CREB5: variants seen among roughly 807,000 people sequenced by gnomAD.
The protein encoded by CREB5 is cAMP responsive element binding protein 5, also known as cyclic AMP-responsive element-binding protein 5.
Under a neutral mutation model 57.1 loss-of-function variants are expected in CREB5, and 19 were observed. The ratio of observed to expected loss-of-function variants is 0.33; its 90% CI spans 0.23 to 0.49. The LOEUF is 0.49. CREB5 is among the 20% of genes least tolerant of loss of function. The probability of loss-of-function intolerance (pLI) is 0.99; values close to 1 mark genes in which losing one functional copy is unlikely to be tolerated. For synonymous variants in CREB5, 238 were observed against 238.3 expected, an observed-to-expected ratio of 1.00 and a Z score of 0.01; for missense variants, 579 against 671.6, an observed-to-expected ratio of 0.86 and a Z score of 1.52.
At position 28,344,171 on chromosome 7, in the gene CREB5, T is replaced by G. The variant is rs556048973; in HGVS notation, c.-25+44730T>G. On this transcript the variant is annotated intron_variant, in intron 1 of 9. Coordinates refer to the CREB5 transcript ENST00000396299. ...GTTGTCTCTTCAGCATGTTGTTTCC[T>G]TTTTTGCTTTTGTTGCCTGTGCTTT... Among the ~76,000 whole-genome samples, 27 of 152,242 alleles carry G rather than the reference T, an allele frequency of 1.8e-4. No individual in the cohort carries two copies. The East Asian group carries it at 2.5e-3, about 14-fold the overall frequency.
chr7:28,525,191 G>A (rs1258448032), intron 4 of CREB5, among the ~76,000 whole-genome samples: 1 of 152,106 alleles, frequency 6.6e-6, no homozygotes, highest in African/African-American at 2.4e-5. Flanking sequence ...ATTCCATTGT[G>A]TATATATACC....
At chr7:28,446,325 T>C (rs978356534) in intron 1 of CREB5, among the ~76,000 whole-genome samples, 1 of 151,508 alleles carries the variant, frequency 6.6e-6, no homozygotes, top group East Asian at 2.0e-4. Flanking sequence ...GCTCCCACAA[T>C]ATGACACCAG....
chr7:28,437,684 C>T (rs1391516549), intron 1 of CREB5, among the ~76,000 whole-genome samples: 2 of 152,046 alleles, frequency 1.3e-5, no homozygotes, highest in Non-Finnish European at 2.9e-5. Context: ...AATGGATAGT[C>T]CTATAATCTA....
At chr7:28,322,452 A>T (rs900065352) in intron 1 of CREB5, among the ~76,000 whole-genome samples, 35 of 152,162 alleles carry the variant, frequency 2.3e-4, no homozygotes, top group Admixed American at 1.3e-4. Flanking sequence ...GTTTTACTTT[A>T]AGTTCTGGGA....
chr7:28,584,588 G>A (rs1193743106), intron 5 of CREB5, among the ~76,000 whole-genome samples: 1 of 152,118 alleles, frequency 6.6e-6, no homozygotes, highest in Non-Finnish European at 1.5e-5. Context: ...CTTTCCTTCA[G>A]AGCCCTGAGA....
At chr7:28,400,231 T>A (rs1483587474) in intron 1 of CREB5, among the ~76,000 whole-genome samples, 2 of 152,192 alleles carry the variant, frequency 1.3e-5, no homozygotes, top group African/African-American at 4.8e-5. Flanking sequence ...AAACTCAACT[T>A]CCTTACTTAT....
intron 5 of CREB5, among the ~76,000 whole-genome samples, chr7:28,701,498 G>T (rs748068829): frequency 6.6e-6 from 1 of 152,090 alleles, no homozygotes; most frequent in Non-Finnish European, 1.5e-5. Flanking sequence ...GATGTGTTTT[G>T]GTTGGTTCTT....
intron 1 of CREB5, among the ~76,000 whole-genome samples, chr7:28,381,689 A>G (rs1267919416): frequency 6.6e-6 from 1 of 152,206 alleles, no homozygotes. Flanking sequence ...CTGATTGGTT[A>G]ATCCCTGATA....
At chr7:28,576,450 A>C (rs1795914163) in intron 5 of CREB5, among the ~76,000 whole-genome samples, 1 of 152,122 alleles carries the variant, frequency 6.6e-6, no homozygotes, top group Non-Finnish European at 1.5e-5. Flanking sequence ...GGTCTATTGG[A>C]CTCAAAAGCA....
At chr7:28,604,027 A>G (rs951474873) in intron 5 of CREB5, among the ~76,000 whole-genome samples, 4 of 152,312 alleles carry the variant, frequency 2.6e-5, no homozygotes, top group South Asian at 2.1e-4. Flanking sequence ...TCTGTGTGAC[A>G]CTTGAAAGTT....
chr7:28,423,873 G>A (rs1562707099), intron 1 of CREB5, among the ~76,000 whole-genome samples: 1 of 152,230 alleles, frequency 6.6e-6, no homozygotes, highest in African/African-American at 2.4e-5. Flanking sequence ...CACATCTCTG[G>A]CACTCAGTGG....
intron 5 of CREB5, among the ~76,000 whole-genome samples, chr7:28,575,720 A>G (rs1359714189): frequency 6.6e-6 from 1 of 152,186 alleles, no homozygotes; most frequent in East Asian, 1.9e-4. Flanking sequence ...GGCTATGAAC[A>G]TAGCTTTATT....
rs1562798005 is a variant in CREB5, at chr7:28,560,939, T to TGCGTGC, written c.292-9421_292-9420insCGCGTG. ...GCGTGTGTGCGCGTGCGTGTGTGCGTGCGTGTGTGTGCGTGTGTGTGCGTG... is the reference window on the plus strand; with the variant it reads ...GCGTGTGTGCGCGTGCGTGTGTGCGTGCGTGCGCGTGTGTGTGCGTGTGTGTGCGTG... On this transcript the variant is annotated intron_variant, in intron 4 of 10. Transcript: ENST00000357727. Among the ~76,000 whole-genome samples the TGCGTGC allele has an allele frequency of 2.2e-4, 7 of 31,926 alleles. No homozygotes were observed. In the South Asian group the frequency reaches 0.011, roughly 48 times the overall value. The allele number at this position is 31,926 out of a possible 152,430, so 20.9% of individuals were successfully genotyped here.
At chr7:28,638,889 A>G (rs185113590) in intron 5 of CREB5, among the ~76,000 whole-genome samples, 1 of 152,290 alleles carries the variant, frequency 6.6e-6, no homozygotes, top group East Asian at 1.9e-4. Flanking sequence ...TACTTTGTAT[A>G]CTTCTTCCCA....
In CREB5 at chr7:28,825,602, GTGTT is replaced by G. The variant is rs996552775; in HGVS notation, c.*6331_*6334del. 9 of 152,606 alleles carry G rather than the reference GTGTT, an allele frequency of 5.9e-5. No homozygotes were observed. The highest frequency in any genetic ancestry group is 1.9e-4 in the African/African-American group (8 of 41,442). 9.5% of individuals were successfully genotyped at this position (152,606 alleles called of 1,614,324 possible). A position where few individuals can be genotyped will look rare whatever the true frequency, so the allele number is the denominator to read the frequency against. ...TGTATTTGTAAACAGCAAAGCATTTGTGTTTGTTTGTCTATTTGTAAAGCAACCA... is the reference window on the plus strand; with the variant it reads ...TGTATTTGTAAACAGCAAAGCATTTGTGTTTGTCTATTTGTAAAGCAACCA... On this transcript the variant is annotated 3_prime_UTR_variant, in exon 11 of 11. Coordinates refer to ENST00000357727, the MANE Select transcript of CREB5 (RefSeq NM_182898.4).
chr7:28,626,807 C>T (rs1427250480), intron 5 of CREB5, among the ~76,000 whole-genome samples: 1 of 152,122 alleles, frequency 6.6e-6, no homozygotes, highest in African/African-American at 2.4e-5. Context: ...ATGTCTTACT[C>T]CCCCTGGTGT....
At chr7:28,683,338 A>G (rs1419098188) in intron 5 of CREB5, among the ~76,000 whole-genome samples, 1 of 152,152 alleles carries the variant, frequency 6.6e-6, no homozygotes, top group East Asian at 1.9e-4. Context: ...CCCAGCAGCC[A>G]GTGGAATGCC....
chr7:28,684,433 C>T (rs1800749458), intron 5 of CREB5, among the ~76,000 whole-genome samples: 1 of 152,188 alleles, frequency 6.6e-6, no homozygotes, highest in East Asian at 1.9e-4. Flanking sequence ...AGCACTTCCC[C>T]ACCCCAACCC....
chr7:28,607,650 G>A (rs920732553), intron 5 of CREB5, among the ~76,000 whole-genome samples: 2 of 152,088 alleles, frequency 1.3e-5, no homozygotes, highest in Non-Finnish European at 2.9e-5. Flanking sequence ...TGGAAGGAAA[G>A]TGGTTTAATG....
Sources: allele counts gnomAD v4.1 joint callset (sites outside exome capture counted in the v4.1 genomes callset), GRCh38; gene constraint gnomAD v4.1.1; transcripts MANE v1.5; gene names NCBI Gene and HGNC (gene_info 2026-07-23, HGNC 2026-07-21).